SELP: variants seen among roughly 807,000 people sequenced by gnomAD.
SELP encodes the protein P-selectin.
A neutral mutation model predicts 104.1 loss-of-function variants in SELP; 92 were observed. The observed-to-expected ratio is 0.88, with a 90% confidence interval of 0.75 to 1.05. SELP has a LOEUF of 1.05. Among genes scored for constraint, SELP ranks in the 50% least tolerant of loss-of-function variants. The pLI, the probability that SELP is intolerant of heterozygous loss-of-function variation, is 0.00. For missense variants in SELP, 1,022 were observed against 1,017.3 expected, an observed-to-expected ratio of 1.00 and a Z score of -0.06; for synonymous variants, 397 against 364.5, an observed-to-expected ratio of 1.09 and a Z score of -1.01.
intron 11 of SELP, among the ~76,000 whole-genome samples, chr1:169,596,610 C>A (rs1661625774): frequency 6.6e-6 from 1 of 152,188 alleles, no homozygotes; most frequent in African/African-American, 2.4e-5. Flanking sequence ...ATTAACTTGC[C>A]ATGTGGCAGG....
intron 7 of SELP, 130 bp from the exon 8 acceptor site, chr1:169,609,819 T>C (rs1224324305): frequency 2.4e-6 from 2 of 830,216 alleles, no homozygotes. Context: ...ACCTCCATTT[T>C]CCAAAAGAGA....
intron 11 of SELP, 111 bp downstream of exon 11, chr1:169,596,880 T>G: frequency 1.1e-6 from 1 of 939,400 alleles, no homozygotes; most frequent in Non-Finnish European, 1.5e-6. Context: ...TAAACCCAAA[T>G]AATGGTAATA....
chr1:169,605,228 T>C (rs1662121667), intron 9 of SELP, among the ~76,000 whole-genome samples: 1 of 152,176 alleles, frequency 6.6e-6, no homozygotes, highest in Non-Finnish European at 1.5e-5. Context: ...CAAAGTTGTG[T>C]GGACTTTGTG....
At chr1:169,627,664 T>C (rs1320209850) in intron 1 of SELP, among the ~76,000 whole-genome samples, 2 of 152,232 alleles carry the variant, frequency 1.3e-5, no homozygotes, top group Non-Finnish European at 2.9e-5. Flanking sequence ...CACAGTTTTT[T>C]ATGTAGTAAG....
intron 15 of SELP, among the ~76,000 whole-genome samples, chr1:169,590,481 C>A (rs1557941376): frequency 6.6e-6 from 1 of 152,200 alleles, no homozygotes. Context: ...TTCTAGGTGA[C>A]AAGAGGTAGT....
rs1398714737 is a variant in SELP, at chr1:169,591,460, A to C, written c.2408-4T>G. 1 of 1,578,358 alleles carries C rather than the reference A, an allele frequency of 6.3e-7. No individual in the cohort carries two copies. The highest frequency in any genetic ancestry group is 8.6e-7 in the Non-Finnish European group (1 of 1,161,738). ...TTCAAGGGGCATTTCCCATCATCTAAAATCAGCAAGAAGACAAGAATGAAT... is the reference window on the plus strand; with the variant it reads ...TTCAAGGGGCATTTCCCATCATCTACAATCAGCAAGAAGACAAGAATGAAT... On this transcript the variant is annotated splice_region_variant and splice_polypyrimidine_tract_variant and intron_variant, in intron 14 of 16. Transcript: ENST00000263686.
At position 169,594,711 on chromosome 1, in the gene SELP, A is replaced by G. The variant is rs1661511431; in HGVS notation, c.2268T>C (p.Thr756=). ...TTGTACCTTGGCAGGTTGGCACGGT[A>G]GTTGACCAGTGGCCATTCTCTTGGC... The part of the protein sequence containing the change: ...TACQENGHWS[T]TVPTCQAGPL... The change falls in exon 13 of 17, where the codon ACT becomes ACC. Residue 756 remains threonine, a synonymous_variant. Coordinates refer to ENST00000263686, the MANE Select transcript of SELP (RefSeq NM_003005.4). 6.2e-7 allele frequency: 1 copy of G among 1,613,482 alleles called. No homozygotes were observed. The highest frequency in any genetic ancestry group is 8.5e-7 in the Non-Finnish European group (1 of 1,179,686).
In SELP at chr1:169,603,114, G is replaced by A. The variant is rs1174126255; in HGVS notation, c.1617C>T (p.Ile539=). 6.2e-7 allele frequency: 1 copy of A among 1,613,976 alleles called. No homozygotes were observed. The highest frequency in any genetic ancestry group is 1.3e-5 in the African/African-American group (1 of 74,914). The change falls in exon 10 of 17, where the codon ATC becomes ATT. Residue 539 remains isoleucine, a synonymous_variant. Transcript: ENST00000263686. ...SSSYKSTCQF[I]CDEGYSLSGP... ...CAGACAAAGAATATCCCTCGTCACA[G>A]ATGAATTGACATGTGGATTTATAAC... is the stretch of plus-strand genomic sequence containing the variant.
Position 169,594,799 on chromosome 1 carries a change from C to A in SELP, c.2180G>T (p.Gly727Val). Reference sequence around the variant, plus strand: ...TAGACAATGGAAAGAGCAGATTGATCCATAACTGAAGTTTCCCCAGAGGTT... The same window carrying A: ...TAGACAATGGAAAGAGCAGATTGATACATAACTGAAGTTTCCCCAGAGGTT... ...CSNLWGNFSY[G>V]SICSFHCLEG... The change falls in exon 13 of 17, where the codon GGA (glycine) becomes GTA (valine). Residue 727 changes from glycine to valine, a missense_variant. By Grantham distance (109) the Gly-to-Val change is moderately radical. Transcript: ENST00000263686. The A allele has an allele frequency of 6.2e-7, 1 of 1,613,836 alleles. No individual in the cohort carries two copies. Among genetic ancestry groups the A allele is most frequent in the Non-Finnish European group, 8.5e-7 (1 of 1,179,836 alleles).
At chr1:169,606,469 A>G (rs1303611813) in intron 9 of SELP, among the ~76,000 whole-genome samples, 1 of 152,144 alleles carries the variant, frequency 6.6e-6, no homozygotes, top group Non-Finnish European at 1.5e-5. Context: ...CTATTTCTCC[A>G]ATTTTATACA....
intron 14 of SELP, 60 bp from the exon 15 acceptor site, chr1:169,591,516 G>T: frequency 8.2e-7 from 1 of 1,220,834 alleles, no homozygotes; most frequent in Non-Finnish European, 1.2e-6. Flanking sequence ...ATGAAAGAGA[G>T]GGTCATTAAG....
rs541294191 is a variant in SELP at position 169,609,616 on chromosome 1, C to G, written c.1221G>C (p.Gln407His). The G allele has an allele frequency of 5.9e-4, 950 of 1,614,078 alleles. 18 individuals are homozygous for G. In the South Asian group the frequency reaches 9.3e-3, roughly 16 times the overall value. ...AGCGGAAGCTACAGTTGGTGTCATA[C>G]TGAAACGCTCTCAAGGATGGAGAGC... ...MDCSPSLRAF[Q>H]YDTNCSFRCA... is the part of the protein sequence containing the mutation. Residue 407 changes from glutamine (Q) to histidine (H), a missense_variant, in exon 8 of 17, where the codon CAG becomes CAC. Transcript: ENST00000263686.
intron 10 of SELP, among the ~76,000 whole-genome samples, chr1:169,600,993 GA>G: frequency 6.6e-6 from 1 of 152,212 alleles, no homozygotes; most frequent in Non-Finnish European, 1.5e-5. Context: ...AGGGGGGCTG[GA>G]AAGTAGTGAA....
chr1:169,629,210 C>T (rs1311897317), intron 1 of SELP, among the ~76,000 whole-genome samples: 1 of 152,078 alleles, frequency 6.6e-6, no homozygotes, highest in African/African-American at 2.4e-5. Context: ...TTGGATCTTC[C>T]CTGAATTAGA....
intron 2 of SELP, among the ~76,000 whole-genome samples, chr1:169,618,658 G>T (rs922730683): frequency 6.6e-6 from 1 of 152,150 alleles, no homozygotes; most frequent in African/African-American, 2.4e-5. Flanking sequence ...GCATTGTTTT[G>T]CCTTAAAGAC....
intron 6 of SELP, 32 bp downstream of exon 6, chr1:169,612,185 G>C (rs755263420): frequency 6.2e-7 from 1 of 1,604,880 alleles, no homozygotes; most frequent in South Asian, 1.1e-5. Flanking sequence ...GGGTGCAATG[G>C]ACATTATACA....
At chr1:169,598,363 C>T (rs1397354791) in intron 10 of SELP, among the ~76,000 whole-genome samples, 1 of 152,148 alleles carries the variant, frequency 6.6e-6, no homozygotes, top group African/African-American at 2.4e-5. Context: ...TTTTTACAAA[C>T]CTCTTCAAGA....
rs1662235266 is a variant in SELP, at chr1:169,606,984, G to A, written c.1484C>T (p.Thr495Ile). The change falls in exon 9 of 17, where the codon ACT becomes ATT. Residue 495 changes from threonine to isoleucine, a missense_variant. Coordinates refer to ENST00000263686, the MANE Select transcript of SELP (RefSeq NM_003005.4). ...TGGAGGAACAGAATTCCAGTTTCCA[G>A]TAGCCAAGCACTGTAGCACACTTGC... is the stretch of plus-strand genomic sequence containing the variant. ...VGASVLQCLATGNWNSVPPEC... is the reference protein window; with the variant it reads ...VGASVLQCLAIGNWNSVPPEC... 6.2e-7 allele frequency: 1 copy of A among 1,613,268 alleles called. No individual in the cohort carries two copies. Among genetic ancestry groups the A allele is most frequent in the Non-Finnish European group, 8.5e-7 (1 of 1,179,654 alleles).
rs199982828 is a variant in SELP, at chr1:169,594,823, T to A, written c.2156A>T (p.Asn719Ile). The change falls in exon 13 of 17, where the codon AAC (asparagine) becomes ATC (isoleucine). Residue 719 changes from asparagine to isoleucine, a missense_variant. Coordinates refer to ENST00000263686, the MANE Select transcript of SELP (RefSeq NM_003005.4). The part of the protein sequence containing the change: ...VNKPIAMNCS[N>I]LWGNFSYGSI... ...TCCATAACTGAAGTTTCCCCAGAGG[T>A]TGGAGCAGTTCATCGCTATTGGCTT... is the stretch of plus-strand genomic sequence containing the variant. 2 of 1,613,640 alleles carry A rather than the reference T, an allele frequency of 1.2e-6. No individual in the cohort carries two copies. The highest frequency in any genetic ancestry group is 1.7e-6 in the Non-Finnish European group (2 of 1,179,780).
Sources: allele counts gnomAD v4.1 joint callset (sites outside exome capture counted in the v4.1 genomes callset), GRCh38; gene constraint gnomAD v4.1.1; transcripts MANE v1.5; gene names NCBI Gene and HGNC (gene_info 2026-07-23, HGNC 2026-07-21).